Variants in NRCAM observed in about 807,000 individuals in gnomAD.
The protein encoded by NRCAM is NgCAM-related cell adhesion molecule.
In NRCAM, 83 loss-of-function variants were observed where a neutral mutation model predicts 156.5. That is an observed-to-expected ratio of 0.53 (90% CI 0.44 to 0.64). The LOEUF (loss-of-function observed/expected upper bound fraction) is 0.64. Ranked by LOEUF, NRCAM falls within the 30% of genes least tolerant of loss-of-function variation. The pLI is 0.00. For synonymous variants in NRCAM, 538 were observed against 563.9 expected, an observed-to-expected ratio of 0.95 and a Z score of 0.65; for missense variants, 1,417 against 1,597.3, an observed-to-expected ratio of 0.89 and a Z score of 1.92.
chr7:108,266,725 G>A (rs2097120219), intron 3 of NRCAM, among the ~76,000 whole-genome samples: 1 of 152,110 alleles, frequency 6.6e-6, no homozygotes, highest in South Asian at 2.1e-4. Flanking sequence ...ATCTGATGCA[G>A]GCCACAGATG....
At chr7:108,284,167 A>G (rs1005711017) in intron 3 of NRCAM, among the ~76,000 whole-genome samples, 9 of 152,114 alleles carry the variant, frequency 5.9e-5, no homozygotes, top group African/African-American at 2.2e-4. Flanking sequence ...CTCTTGTCCG[A>G]AAATTCTATT....
chr7:108,454,901 C>A (rs1563887919), intron 1 of NRCAM, among the ~76,000 whole-genome samples: 1 of 152,226 alleles, frequency 6.6e-6, no homozygotes, highest in East Asian at 1.9e-4. Flanking sequence ...GACAGTTCTG[C>A]GCCGGTGGTA....
chr7:108,283,649 AT>A (rs1444467927), intron 3 of NRCAM, among the ~76,000 whole-genome samples: 4 of 152,114 alleles, frequency 2.6e-5, no homozygotes, highest in Non-Finnish European at 5.9e-5. Context: ...AGAGAATGAT[AT>A]TATCTACCGT....
intron 17 of NRCAM, among the ~76,000 whole-genome samples, chr7:108,193,810 T>C (rs999061868): frequency 2.6e-5 from 4 of 152,214 alleles, no homozygotes; most frequent in African/African-American, 4.8e-5. Context: ...CACGCAAAGA[T>C]AGACAAACAT....
chr7:108,313,543 G>A (rs1414560905), intron 2 of NRCAM, among the ~76,000 whole-genome samples: 6 of 152,086 alleles, frequency 3.9e-5, no homozygotes, highest in Non-Finnish European at 8.8e-5. Context: ...CAAATATTAG[G>A]ACAACTATGA....
At chr7:108,442,364 CT>C (rs1374332877) in intron 1 of NRCAM, among the ~76,000 whole-genome samples, 1 of 152,008 alleles carries the variant, frequency 6.6e-6, no homozygotes, top group East Asian at 1.9e-4. Context: ...CCACTCCTAA[CT>C]GTGTAGAGGA....
chr7:108,430,989 C>T (rs1359749910), intron 1 of NRCAM, among the ~76,000 whole-genome samples: 2 of 152,034 alleles, frequency 1.3e-5, no homozygotes, highest in Non-Finnish European at 2.9e-5. Context: ...TTGAGGTGTC[C>T]CCTAGTGTAT....
At position 108,166,977 on chromosome 7, in the gene NRCAM, C is replaced by A. The variant is rs1428967855; in HGVS notation, c.3410G>T (p.Gly1137Val). Residue 1137 changes from glycine to valine, a missense_variant, in exon 30 of 33, where the codon GGT (glycine) becomes GTT (valine). Coordinates refer to ENST00000379028, the MANE Select transcript of NRCAM (RefSeq NM_001037132.4). The part of the protein sequence containing the change: ...MPGTAYKVRV[G>V]AVGDSGFVSS... The stretch of plus-strand genomic sequence containing the variant: ...CACAAAACCAGAGTCCCCCACAGCA[C>A]CAACTCGAACTTTGTATGCTGTTCC... 3 of 1,613,948 alleles carry A rather than the reference C, an allele frequency of 1.9e-6. No homozygotes were observed. The East Asian group carries it at 6.7e-5, about 36-fold the overall frequency.
intron 1 of NRCAM, among the ~76,000 whole-genome samples, chr7:108,429,078 T>A (rs1426774004): frequency 1.3e-5 from 2 of 152,204 alleles, no homozygotes; most frequent in Non-Finnish European, 2.9e-5. Flanking sequence ...CATTATGTTC[T>A]ATATATGTCC....
chr7:108,165,499 T>A (rs927659011), intron 30 of NRCAM, among the ~76,000 whole-genome samples: 2 of 152,236 alleles, frequency 1.3e-5, no homozygotes, highest in South Asian at 2.1e-4. Context: ...AATATCTACT[T>A]GACTTTTAGT....
At chr7:108,329,445 C>T (rs2099104625) in intron 2 of NRCAM, among the ~76,000 whole-genome samples, 1 of 152,204 alleles carries the variant, frequency 6.6e-6, no homozygotes, top group Admixed American at 6.5e-5. Context: ...GATTGCTTTT[C>T]AAGCTTTCAG....
intron 1 of NRCAM, among the ~76,000 whole-genome samples, chr7:108,446,121 G>C (rs1843873057): frequency 1.3e-5 from 2 of 152,220 alleles, no homozygotes; most frequent in South Asian, 4.2e-4. Context: ...TGCAAATCTG[G>C]AATCATCTGC....
intron 2 of NRCAM, among the ~76,000 whole-genome samples, chr7:108,320,399 A>G (rs2098986988): frequency 6.6e-6 from 1 of 152,200 alleles, no homozygotes; most frequent in South Asian, 2.1e-4. Context: ...TCGAGGCAGC[A>G]GTGAGCCACT....
intron 24 of NRCAM, among the ~76,000 whole-genome samples, chr7:108,181,099 A>G (rs2063215328): frequency 6.6e-6 from 1 of 152,238 alleles, no homozygotes; most frequent in Non-Finnish European, 1.5e-5. Context: ...TCACAAATCC[A>G]GAATTGTTGT....
At chr7:108,298,154 G>T (rs1004814264) in intron 3 of NRCAM, among the ~76,000 whole-genome samples, 4 of 152,142 alleles carry the variant, frequency 2.6e-5, no homozygotes, top group African/African-American at 9.7e-5. Context: ...TAAAATCCAC[G>T]TTGCAAAGCT....
At chr7:108,397,296 C>T (rs892768293) in intron 2 of NRCAM, among the ~76,000 whole-genome samples, 1 of 152,112 alleles carries the variant, frequency 6.6e-6, no homozygotes, top group East Asian at 1.9e-4. Context: ...GAGTAAAAAT[C>T]GAGCATTTTG....
chr7:108,205,362 G>A (rs2080551415), intron 13 of NRCAM, among the ~76,000 whole-genome samples: 1 of 152,194 alleles, frequency 6.6e-6, no homozygotes, highest in Admixed American at 6.5e-5. Context: ...AAGGCATTTT[G>A]TTATAGCAGC....
intron 1 of NRCAM, among the ~76,000 whole-genome samples, chr7:108,407,505 G>A (rs1303054632): frequency 1.3e-5 from 2 of 152,166 alleles, no homozygotes; most frequent in African/African-American, 2.4e-5. Context: ...TGAACCGAGA[G>A]TATTTCAGGC....
intron 3 of NRCAM, among the ~76,000 whole-genome samples, chr7:108,305,859 T>C (rs1426980780): frequency 6.6e-6 from 1 of 152,198 alleles, no homozygotes; most frequent in Non-Finnish European, 1.5e-5. Context: ...AACTAATACA[T>C]TTCAAATAAG....
Sources: allele counts gnomAD v4.1 joint callset (sites outside exome capture counted in the v4.1 genomes callset), GRCh38; gene constraint gnomAD v4.1.1; transcripts MANE v1.5; gene names NCBI Gene and HGNC (gene_info 2026-07-23, HGNC 2026-07-21).